Variants in TMEM230 observed in about 807,000 individuals in gnomAD.
The protein encoded by TMEM230 is UPF0414 transmembrane protein C20orf30.
TMEM230 carries 10 observed loss-of-function variants against 15.8 expected under a neutral mutation model. The ratio of observed to expected loss-of-function variants is 0.63; its 90% CI spans 0.39 to 1.07. The LOEUF (loss-of-function observed/expected upper bound fraction) is 1.07, where lower values mean the gene tolerates loss of function less well. TMEM230 is among the 50% of genes least tolerant of loss of function. The pLI, the probability that TMEM230 is intolerant of heterozygous loss-of-function variation, is 0.01. For missense variants in TMEM230, 165 were observed against 193.3 expected (o/e 0.85, Z 0.87); for synonymous variants, 67 against 76.9 (o/e 0.87, Z 0.68).
intron 3 of TMEM230, among the ~76,000 whole-genome samples, chr20:5,077,416 G>C: frequency 6.6e-6 from 1 of 152,156 alleles, no homozygotes; most frequent in East Asian, 1.9e-4. Flanking sequence ...ACAAAAATCT[G>C]GTCCTTGGCC....
chr20:5,061,548 G>T, the TMEM230 span, among the ~76,000 whole-genome samples: 1 of 152,102 alleles, frequency 6.6e-6, no homozygotes. Flanking sequence ...ATGAATGTGT[G>T]TGTCCTCCCT....
At chr20:5,068,688 G>A (rs1429572481) in exon 4 of TMEM230, 2 of 152,730 alleles carry the variant, frequency 1.3e-5, no homozygotes, top group Admixed American at 1.3e-4. Context: ...TGGGGACACA[G>A]AGCCAAATCA....
At position 5,094,360 on chromosome 20, in the gene TMEM230, C is replaced by T. The variant is rs562722342; in HGVS notation, c.222+11828G>A. ...CTGGGCTCAACTGATCCCATCTCAG[C>T]TTCCTGAGTAGCCAGGATTACAGAC... On this transcript the variant is annotated intron_variant, in intron 3 of 3. Coordinates refer to the TMEM230 transcript ENST00000612323. Among the ~76,000 whole-genome samples, 199 of 152,040 alleles carry T rather than the reference C, an allele frequency of 1.3e-3. 1 individual carries two copies. Among genetic ancestry groups the T allele is most frequent in the Admixed American group, 3.1e-3 (47 of 15,256 alleles).
intron 3 of TMEM230, among the ~76,000 whole-genome samples, chr20:5,081,998 C>T (rs759493732): frequency 1.1e-4 from 16 of 151,204 alleles, no homozygotes; most frequent in Non-Finnish European, 1.8e-4. Flanking sequence ...CTCAGCCTCC[C>T]GGGTAGCTGG....
rs1468867004 is a variant in TMEM230, at chr20:5,113,066, G to A, written c.-38C>T. On this transcript the variant is annotated 5_prime_UTR_variant, in exon 1 of 5. Coordinates refer to ENST00000342308, the MANE Select transcript of TMEM230 (RefSeq NM_001009923.2). ...TTAAGTGCCACTCAGCCGGCCCCAG[G>A]CGGGATCAGTGCGCCGGAAGTGGCG... 7 of 1,540,104 alleles carry A rather than the reference G, an allele frequency of 4.5e-6. No individual in the cohort carries two copies. The highest frequency in any genetic ancestry group is 6.1e-6 in the Non-Finnish European group (7 of 1,145,726).
intron 3 of TMEM230, chr20:5,069,402 C>A (rs771621271): frequency 4.9e-5 from 72 of 1,483,034 alleles, no homozygotes; most frequent in Non-Finnish European, 6.3e-5. Flanking sequence ...CCTCTTCAAC[C>A]CTCAAAAAAT....
chr20:5,059,919 C>G, the TMEM230 span, among the ~76,000 whole-genome samples: 1 of 140,626 alleles, frequency 7.1e-6, no homozygotes, highest in Admixed American at 7.1e-5. Flanking sequence ...AGCCAGGCAA[C>G]CACTACCATG....
intron 1 of TMEM230, among the ~76,000 whole-genome samples, chr20:5,112,223 T>C (rs2122861121): frequency 6.6e-6 from 1 of 152,378 alleles, no homozygotes; most frequent in African/African-American, 2.4e-5. Flanking sequence ...AATATCCGTT[T>C]TTATTGATTA....
chr20:5,072,709 C>T (rs944160552), intron 3 of TMEM230, among the ~76,000 whole-genome samples: 4 of 151,578 alleles, frequency 2.6e-5, no homozygotes, highest in South Asian at 2.1e-4. Flanking sequence ...ATTAGACTTG[C>T]GTGATGGCCG....
At chr20:5,077,123 T>G (rs1054171217) in intron 3 of TMEM230, among the ~76,000 whole-genome samples, 1 of 151,818 alleles carries the variant, frequency 6.6e-6, no homozygotes, top group Non-Finnish European at 1.5e-5. Flanking sequence ...CTGGGCAACA[T>G]AGTGAGACCC....
the TMEM230 span, among the ~76,000 whole-genome samples, chr20:5,060,657 C>G: frequency 6.6e-6 from 1 of 151,994 alleles, no homozygotes; most frequent in East Asian, 1.9e-4. Flanking sequence ...TCTTTTGTGT[C>G]TTGTCTTTCT....
At chr20:5,112,795 G>A (rs2090379638) in intron 1 of TMEM230, 166 bp downstream of exon 1, 2 of 1,500,074 alleles carry the variant, frequency 1.3e-6, no homozygotes, top group Non-Finnish European at 1.8e-6. Flanking sequence ...GAATTTAGAC[G>A]TAAAACAAAC....
chr20:5,106,121 G>T (rs112713377), intron 4 of TMEM230, 67 bp downstream of exon 3: 574 of 1,088,768 alleles, frequency 5.3e-4, no homozygotes, highest in Non-Finnish European at 6.3e-4. Flanking sequence ...ACACACACAC[G>T]CACACTAGAG....
At chr20:5,075,836 T>C (rs2088975652) in intron 3 of TMEM230, among the ~76,000 whole-genome samples, 2 of 151,804 alleles carry the variant, frequency 1.3e-5, no homozygotes, top group South Asian at 4.2e-4. Context: ...TTTCTAACAA[T>C]GAGACCAGGT....
intron 4 of TMEM230, among the ~76,000 whole-genome samples, chr20:5,105,722 C>T (rs988278655): frequency 2.0e-5 from 3 of 151,964 alleles, no homozygotes; most frequent in African/African-American, 7.2e-5. Context: ...AGTATATACA[C>T]CTACTATGTA....
intron 3 of TMEM230, among the ~76,000 whole-genome samples, chr20:5,107,624 T>C (rs2090146758): frequency 6.6e-6 from 1 of 152,078 alleles, no homozygotes; most frequent in African/African-American, 2.4e-5. Context: ...TACTAACTTA[T>C]GGGGATTTAA....
rs572566544 is a variant in TMEM230, at chr20:5,100,457, A to C, written c.*334T>G. 1 of 1,031,092 alleles carries C rather than the reference A, an allele frequency of 9.7e-7. No individual in the cohort carries two copies. Among genetic ancestry groups the C allele is most frequent in the African/African-American group, 1.7e-5 (1 of 58,572 alleles). 63.9% of individuals were successfully genotyped at this position (1,031,092 alleles called of 1,614,324 possible). ...ACATTGTTCCATTTGCTACAAGAAC[A>C]AATTGGCAATGAAGACTATTTAAAA... On this transcript the variant is annotated 3_prime_UTR_variant, in exon 5 of 5. Transcript: ENST00000342308.
At chr20:5,111,758 A>ACTTACCTAG in intron 1 of TMEM230, 1 of 979,970 alleles carries the variant, frequency 1.0e-6, no homozygotes, top group Non-Finnish European at 1.2e-6. Context: ...GGTGGTTAGT[A>ACTTACCTAG]CTTACCTAGT....
chr20:5,112,864 T>C, intron 1 of TMEM230, 97 bp downstream of exon 1: 1 of 1,547,226 alleles, frequency 6.5e-7, no homozygotes, highest in Non-Finnish European at 8.7e-7. Flanking sequence ...CCCACACGGA[T>C]GACTCGGAGC....
Sources: allele counts gnomAD v4.1 joint callset (sites outside exome capture counted in the v4.1 genomes callset), GRCh38; gene constraint gnomAD v4.1.1; transcripts MANE v1.5; gene names NCBI Gene and HGNC (gene_info 2026-07-23, HGNC 2026-07-21).